The following TGM4 variants were observed in gnomAD, a reference collection of about 807,000 sequenced individuals.
TGM4 encodes protein-glutamine gamma-glutamyltransferase 4.
A neutral mutation model predicts 76.3 loss-of-function variants in TGM4; 61 were observed. That is an observed-to-expected ratio of 0.80 (90% CI 0.65 to 0.99). The LOEUF (loss-of-function observed/expected upper bound fraction) is 0.99. Ranked by LOEUF, TGM4 falls within the 50% of genes least tolerant of loss-of-function variation. The pLI is 0.00. For missense variants in TGM4, 794 were observed against 843.2 expected, an observed-to-expected ratio of 0.94 and a Z score of 0.72; for synonymous variants, 337 against 329.8, an observed-to-expected ratio of 1.02 and a Z score of -0.24.
At chr3:44,909,323 C>T (rs1337296125) in intron 10 of TGM4, among the ~76,000 whole-genome samples, 1 of 152,188 alleles carries the variant, frequency 6.6e-6, no homozygotes, top group Non-Finnish European at 1.5e-5. Flanking sequence ...TTCAAAGCCC[C>T]CGTGGACATT....
chr3:44,888,577 A>C (rs1699644516), intron 3 of TGM4: 1 of 152,188 alleles, frequency 6.6e-6, no homozygotes, highest in Non-Finnish European at 1.5e-5. Flanking sequence ...AGTGTTTTTC[A>C]GGGTATCATG....
chr3:44,902,470 C>G (rs4683006), intron 8 of TGM4, among the ~76,000 whole-genome samples: 1 of 151,864 alleles, frequency 6.6e-6, no homozygotes, highest in Admixed American at 6.6e-5. Context: ...CATAGTGGCA[C>G]GTGCCTGTAA....
chr3:44,877,029 G>A (rs1029460432), intron 1 of TGM4, among the ~76,000 whole-genome samples: 7 of 152,216 alleles, frequency 4.6e-5, no homozygotes, highest in Non-Finnish European at 8.8e-5. Context: ...AGCAGGCCAG[G>A]TATGGTGGTT....
chr3:44,882,530 A>C (rs1185486661), intron 1 of TGM4, among the ~76,000 whole-genome samples: 1 of 152,210 alleles, frequency 6.6e-6, no homozygotes, highest in Non-Finnish European at 1.5e-5. Context: ...CCAGTGGAGA[A>C]TCTTCCCTTG....
intron 8 of TGM4, among the ~76,000 whole-genome samples, chr3:44,902,945 C>T (rs1699874438): frequency 1.3e-5 from 2 of 152,238 alleles, no homozygotes; most frequent in South Asian, 4.1e-4. Context: ...AAGTTGGAGC[C>T]TTACAGCTTT....
At chr3:44,901,971 C>T (rs1699861667) in intron 8 of TGM4, 40 bp downstream of exon 8, 2 of 1,594,080 alleles carry the variant, frequency 1.3e-6, no homozygotes, top group Admixed American at 1.8e-5. Context: ...TCTCCTTCTC[C>T]CAGGAATTTT....
chr3:44,912,289 C>T (rs1229798306), intron 13 of TGM4, among the ~76,000 whole-genome samples: 1 of 151,970 alleles, frequency 6.6e-6, no homozygotes. Flanking sequence ...CTAGAATTTC[C>T]AGCTTTATTT....
chr3:44,890,278 C>T (rs1699671189), intron 3 of TGM4: 5 of 228,926 alleles, frequency 2.2e-5, no homozygotes. Context: ...ATCTTCCCAA[C>T]AACCTGGAGA....
chr3:44,891,155 GC>G (rs1355171061), intron 4 of TGM4, among the ~76,000 whole-genome samples: 1 of 152,120 alleles, frequency 6.6e-6, no homozygotes, highest in Non-Finnish European at 1.5e-5. Flanking sequence ...TCTTCCTGTG[GC>G]TACACTGGAG....
intron 1 of TGM4, among the ~76,000 whole-genome samples, chr3:44,877,994 T>C (rs1699472244): frequency 6.6e-6 from 1 of 151,552 alleles, no homozygotes; most frequent in African/African-American, 2.4e-5. Flanking sequence ...TCACAAAAAA[T>C]GAAAAAATTA....
Position 44,901,904 on chromosome 3 carries a change from T to C in TGM4, c.944T>C (p.Ile315Thr), listed in dbSNP as rs376301233. The change falls in exon 8 of 14, where the codon ATC becomes ACC. Residue 315 changes from isoleucine to threonine, a missense_variant. Ile to Thr is a moderately conservative substitution (Grantham distance 89). Coordinates refer to ENST00000296125, the MANE Select transcript of TGM4 (RefSeq NM_003241.4). ...TATGTGAATGAGAATGGCGAGAAAATCACCAGTATGACCCACGACTCTGTC... is the reference window on the plus strand; with the variant it reads ...TATGTGAATGAGAATGGCGAGAAAACCACCAGTATGACCCACGACTCTGTC... ...DTYVNENGEK[I>T]TSMTHDSVWN... 6 of 1,613,072 alleles carry C rather than the reference T, an allele frequency of 3.7e-6. No homozygotes were observed. The highest frequency in any genetic ancestry group is 4.2e-6 in the Non-Finnish European group (5 of 1,179,562).
At chr3:44,899,860 T>C (rs1296599830) in intron 6 of TGM4, among the ~76,000 whole-genome samples, 1 of 152,200 alleles carries the variant, frequency 6.6e-6, no homozygotes, top group Non-Finnish European at 1.5e-5. Context: ...GCTCATAGCA[T>C]GGCAGCCAGC....
chr3:44,885,403 G>C lies in TGM4; in HGVS notation c.98G>C (p.Ser33Thr), dbSNP rs2125748955. 1.9e-6 allele frequency: 3 copies of C among 1,614,006 alleles called. No individual in the cohort carries two copies. In the South Asian group the frequency reaches 3.3e-5, roughly 18 times the overall value. ...CACACATGGGAGTTCCAAACGAGCAGTCCTGTGTTCCGGCGAGGACAGGTG... is the reference window on the plus strand; with the variant it reads ...CACACATGGGAGTTCCAAACGAGCACTCCTGTGTTCCGGCGAGGACAGGTG... ...SHHTWEFQTSSPVFRRGQVFH... is the reference protein window; with the variant it reads ...SHHTWEFQTSTPVFRRGQVFH... Residue 33 changes from serine (S) to threonine (T), a missense_variant, in exon 2 of 14, where the codon AGT (serine) becomes ACT (threonine). Ser to Thr is a moderately conservative substitution (Grantham distance 58). Coordinates refer to ENST00000296125, the MANE Select transcript of TGM4 (RefSeq NM_003241.4).
chr3:44,903,791 G>A lies in TGM4; in HGVS notation c.972-93G>A, dbSNP rs1010035742. 69 of 1,162,216 alleles carry A rather than the reference G, an allele frequency of 5.9e-5. 1 individual carries two copies. Among genetic ancestry groups the A allele is most frequent in the Middle Eastern group, 3.8e-4 (2 of 5,214 alleles). The allele number at this position is 1,162,216 out of a possible 1,614,324, so 72.0% of individuals were successfully genotyped here. On this transcript the variant is annotated intron_variant, in intron 8 of 13. Transcript: ENST00000296125. ...CTGAGAACAACCTCAGTGGGTCCCCGGTGATGAAGATGTCTCTGGCAATTT... is the reference window on the plus strand; with the variant it reads ...CTGAGAACAACCTCAGTGGGTCCCCAGTGATGAAGATGTCTCTGGCAATTT...
intron 6 of TGM4, 34 bp downstream of exon 6, chr3:44,896,850 G>C: frequency 6.3e-7 from 1 of 1,577,700 alleles, no homozygotes; most frequent in Non-Finnish European, 8.7e-7. Flanking sequence ...ATGCTGTCTT[G>C]TACTTGCCAA....
At position 44,914,968 on chromosome 3, in the gene TGM4, C is replaced by A; in HGVS notation, c.*1243C>A. On this transcript the variant is annotated 3_prime_UTR_variant, in exon 14 of 14. Transcript: ENST00000296125. The stretch of plus-strand genomic sequence containing the variant: ...ACATCCCTGGCATACAGTAGGTGTT[C>A]AATAAATGTTTATTGAAGGAAAGGT... The A allele has an allele frequency of 6.6e-6, 1 of 152,274 alleles. No individual in the cohort carries two copies. The highest frequency in any genetic ancestry group is 1.5e-5 in the Non-Finnish European group (1 of 68,026). 9.4% of individuals were successfully genotyped at this position (152,274 alleles called of 1,614,324 possible). A position where few individuals can be genotyped will look rare whatever the true frequency, so the allele number is the denominator to read the frequency against.
At chr3:44,890,122 G>A (rs1210385306) in intron 3 of TGM4, among the ~76,000 whole-genome samples, 1 of 152,102 alleles carries the variant, frequency 6.6e-6, no homozygotes, top group Non-Finnish European at 1.5e-5. Flanking sequence ...GAACAGCATG[G>A]GGGAAACTGC....
intron 6 of TGM4, among the ~76,000 whole-genome samples, chr3:44,900,341 A>C (rs1397679452): frequency 6.6e-6 from 1 of 152,120 alleles, no homozygotes; most frequent in African/African-American, 2.4e-5. Context: ...ATCTGTTTTC[A>C]TTCCGTCTGA....
At chr3:44,893,058 C>T (rs939725068) in intron 4 of TGM4, among the ~76,000 whole-genome samples, 10 of 152,144 alleles carry the variant, frequency 6.6e-5, no homozygotes, top group African/African-American at 9.7e-5. Context: ...TTCTTTTTAA[C>T]GAGTAGTCTA....
Sources: gnomAD v4.1 joint callset for allele counts (sites outside exome capture counted in the v4.1 genomes callset) on GRCh38, gnomAD v4.1.1 for gene constraint, MANE v1.5 for transcripts, NCBI Gene and HGNC (gene_info 2026-07-23, HGNC 2026-07-21) for gene names.